PRDM6: variants seen among roughly 807,000 people sequenced by gnomAD.
The protein encoded by PRDM6 is PR/SET domain 6.
A neutral mutation model predicts 60.8 loss-of-function variants in PRDM6; 25 were observed. The ratio of observed to expected loss-of-function variants is 0.41; its 90% CI spans 0.30 to 0.57. PRDM6 has a LOEUF of 0.57. PRDM6 is among the 20% of genes least tolerant of loss of function. The pLI, the probability that PRDM6 is intolerant of heterozygous loss-of-function variation, is 0.27. For missense variants in PRDM6, 839 were observed against 821.3 expected (o/e 1.02, Z -0.26); for synonymous variants, 407 against 357.4 (o/e 1.14, Z -1.57).
intron 3 of PRDM6, among the ~76,000 whole-genome samples, chr5:123,126,577 A>G (rs571850281): frequency 6.6e-6 from 1 of 152,294 alleles, no homozygotes; most frequent in South Asian, 2.1e-4. Flanking sequence ...TGCTCTCAGA[A>G]CCAGCCTGGT....
Position 123,155,943 on chromosome 5 carries a change from G to C in PRDM6, c.960G>C (p.Ser320=). The C allele has an allele frequency of 6.4e-7, 1 of 1,551,672 alleles. No homozygotes were observed. Among genetic ancestry groups the C allele is most frequent in the Non-Finnish European group, 8.7e-7 (1 of 1,146,910 alleles). Residue 320 remains serine, a synonymous_variant, in exon 4 of 8, where the codon TCG becomes TCC. Transcript: ENST00000407847. ...HFIDGGEPSK[S]SWMRYIRCAR... is the part of the protein sequence containing the mutation. ...TTGATGGTGGGGAACCTAGTAAGTC[G>C]AGCTGGATGAGGTATATCCGATGTG...
chr5:123,147,411 G>A (rs1437082507), intron 3 of PRDM6, among the ~76,000 whole-genome samples: 1 of 152,124 alleles, frequency 6.6e-6, no homozygotes. Context: ...TGTGGACACT[G>A]GAGACAGTTG....
At chr5:123,127,744 TCTTTC>T (rs1297364220) in intron 3 of PRDM6, among the ~76,000 whole-genome samples, 1 of 151,590 alleles carries the variant, frequency 6.6e-6, no homozygotes, top group Non-Finnish European at 1.5e-5. Flanking sequence ...TTCTTTCCTT[TCTTTC>T]CTTTCTTTCC....
At position 123,090,146 on chromosome 5, in the gene PRDM6, G is replaced by C. The variant is rs576568262; in HGVS notation, c.132G>C (p.Leu44=). ...AGGGCAGCGGCGCCGCGGGTCTCCT[G>C]AGCGCGCCGCAGCCTCTTCAGCCGC... ...PLKGSGAAGL[L]SAPQPLQPPP... Residue 44 remains leucine, a synonymous_variant, in exon 2 of 8, where the codon CTG becomes CTC. Transcript: ENST00000407847. 411 of 1,530,668 alleles carry C rather than the reference G, an allele frequency of 2.7e-4. 1 individual carries two copies. The African/African-American group carries it at 5.1e-3, about 19-fold the overall frequency. 94.8% of individuals were successfully genotyped at this position (1,530,668 alleles called of 1,614,324 possible).
Position 123,170,683 on chromosome 5 carries a change from T to G in PRDM6, c.1154-83T>G, listed in dbSNP as rs890886895. ...CACAAATTCTTAAAAGGTTGATTTA[T>G]TTGATTTTTTAAAAGTATGTGTTAT... On this transcript the variant is annotated intron_variant, in intron 5 of 7. Transcript: ENST00000407847. 19 of 987,054 alleles carry G rather than the reference T, an allele frequency of 1.9e-5. No homozygotes were observed. In the African/African-American group the frequency reaches 3.0e-4, roughly 15 times the overall value. 61.1% of individuals were successfully genotyped at this position (987,054 alleles called of 1,614,324 possible). A position where few individuals can be genotyped will look rare whatever the true frequency, so the allele number is the denominator to read the frequency against.
chr5:123,170,735 C>T (rs763828111), intron 5 of PRDM6, 31 bp from the exon 6 acceptor site: 4 of 1,420,198 alleles, frequency 2.8e-6, no homozygotes, highest in Non-Finnish European at 9.6e-7. Context: ...GCTAATAAAA[C>T]TGTTCTTCTA....
At chr5:123,114,569 C>T (rs1764391342) in intron 3 of PRDM6, among the ~76,000 whole-genome samples, 1 of 152,144 alleles carries the variant, frequency 6.6e-6, no homozygotes, top group African/African-American at 2.4e-5. Context: ...AATAGTTCTG[C>T]TAAAAAATTA....
intron 5 of PRDM6, among the ~76,000 whole-genome samples, chr5:123,167,088 T>C (rs1289816259): frequency 1.3e-5 from 2 of 152,188 alleles, no homozygotes; most frequent in Non-Finnish European, 1.5e-5. Flanking sequence ...GGCTGATATT[T>C]AGGAAGAATA....
intron 4 of PRDM6, 51 bp from the exon 5 acceptor site, chr5:123,159,463 G>A: frequency 2.0e-6 from 3 of 1,533,468 alleles, no homozygotes; most frequent in South Asian, 2.5e-5. Context: ...ATGGATGGGG[G>A]CACATGAGTC....
chr5:123,173,404 A>G (rs1327787444), intron 6 of PRDM6: 1 of 166,852 alleles, frequency 6.0e-6, no homozygotes, highest in Non-Finnish European at 1.5e-5. Flanking sequence ...GCGGCATGAG[A>G]CTCCTGTCTT....
At chr5:123,130,125 C>T (rs1764791562) in intron 3 of PRDM6, among the ~76,000 whole-genome samples, 1 of 49,618 alleles carries the variant, frequency 2.0e-5, no homozygotes, top group Admixed American at 1.7e-4. Flanking sequence ...TCTCCCCTTC[C>T]CTCCCCTCTC....
chr5:123,170,968 A>G lies in PRDM6; in HGVS notation c.1356A>G (p.Arg452=), dbSNP rs774505583. The change falls in exon 6 of 8, where the codon CGA becomes CGG. Residue 452 remains arginine (R), a synonymous_variant. Transcript: ENST00000407847. The stretch of plus-strand genomic sequence containing the variant: ...ATCAAATCAACGTGAAAAACCAGCG[A>G]GTCCTGGCAAGCCCAACTTCCACAA... ...GFNQINVKNQ[R]VLASPTSTSQ... 2.1e-5 allele frequency: 33 copies of G among 1,551,716 alleles called. No individual in the cohort carries two copies. The highest frequency in any genetic ancestry group is 2.6e-5 in the Non-Finnish European group (30 of 1,147,050).
chr5:123,160,827 T>C (rs1256066976), intron 5 of PRDM6, among the ~76,000 whole-genome samples: 8 of 152,224 alleles, frequency 5.3e-5, no homozygotes, highest in Admixed American at 5.2e-4. Context: ...CTGGAAAGTT[T>C]CTTTTCTGCA....
chr5:123,107,922 G>A (rs1764230749), intron 3 of PRDM6, among the ~76,000 whole-genome samples: 2 of 152,128 alleles, frequency 1.3e-5, no homozygotes, highest in Non-Finnish European at 2.9e-5. Context: ...TAGTAAAAAC[G>A]TAATATTTTC....
At chr5:123,155,817 A>G (rs1765481974) in intron 3 of PRDM6, 67 bp from the exon 4 acceptor site, 22 of 1,515,324 alleles carry the variant, frequency 1.5e-5, no homozygotes, top group Non-Finnish European at 1.9e-5. Context: ...AAAGACACCA[A>G]GGGAAGTAGG....
chr5:123,145,659 C>G (rs1470150284), intron 3 of PRDM6, among the ~76,000 whole-genome samples: 7 of 152,190 alleles, frequency 4.6e-5, no homozygotes, highest in Non-Finnish European at 8.8e-5. Flanking sequence ...ACAGTGTAAA[C>G]TGGGAACTGA....
chr5:123,122,164 CAAAAAAA>C (rs138619125), intron 3 of PRDM6, among the ~76,000 whole-genome samples: 1 of 98,924 alleles, frequency 1.0e-5, no homozygotes, highest in East Asian at 3.6e-4. Flanking sequence ...CTCCATCTGA[CAAAAAAA>C]AAAAAAAAAA....
At chr5:123,169,588 A>T (rs749090163) in intron 5 of PRDM6, among the ~76,000 whole-genome samples, 22 of 152,242 alleles carry the variant, frequency 1.4e-4, no homozygotes, top group Non-Finnish European at 3.1e-4. Flanking sequence ...ATTTAGTGTC[A>T]ACCATAGGTC....
chr5:123,123,067 A>G (rs182779783), intron 3 of PRDM6, among the ~76,000 whole-genome samples: 3 of 152,306 alleles, frequency 2.0e-5, no homozygotes, highest in East Asian at 1.9e-4. Context: ...CTGGGTTAAA[A>G]TACTTATATA....
Sources: gnomAD v4.1 joint callset for allele counts (sites outside exome capture counted in the v4.1 genomes callset) on GRCh38, gnomAD v4.1.1 for gene constraint, MANE v1.5 for transcripts, NCBI Gene and HGNC (gene_info 2026-07-23, HGNC 2026-07-21) for gene names.